Variants in UNC13B observed in about 807,000 individuals in gnomAD.
UNC13B encodes the protein protein unc-13 homolog B.
In UNC13B, 144 loss-of-function variants were observed where a neutral mutation model predicts 211.0. The observed-to-expected ratio is 0.68, with a 90% CI of 0.60 to 0.78. The LOEUF (loss-of-function observed/expected upper bound fraction) is 0.78, where lower values mean the gene tolerates loss of function less well. Among genes scored for constraint, UNC13B ranks in the 30% least tolerant of loss-of-function variants. The pLI is 0.00. For missense variants in UNC13B, 1,777 were observed against 2,002.0 expected (o/e 0.89, Z 2.14); for synonymous variants, 709 against 725.8 (o/e 0.98, Z 0.37).
intron 11 of UNC13B, among the ~76,000 whole-genome samples, chr9:35,337,114 T>G (rs1286847512): frequency 1.3e-5 from 2 of 151,928 alleles, no homozygotes; most frequent in Non-Finnish European, 2.9e-5. Context: ...TCACAGTCAC[T>G]GACGGATTTT....
chr9:35,381,064 C>T (rs1006544799), intron 18 of UNC13B, 36 bp from the exon 19 acceptor site: 4 of 1,587,078 alleles, frequency 2.5e-6, no homozygotes, highest in Non-Finnish European at 3.5e-6. Context: ...TGTCTAGTTG[C>T]ATTGGTGTCA....
chr9:35,197,953 T>G (rs1441246820), intron 1 of UNC13B, among the ~76,000 whole-genome samples: 1 of 152,164 alleles, frequency 6.6e-6, no homozygotes, highest in Non-Finnish European at 1.5e-5. Context: ...GAGAACAGAC[T>G]AATACAATAT....
intron 11 of UNC13B, among the ~76,000 whole-genome samples, chr9:35,330,416 C>T (rs750557909): frequency 2.6e-5 from 4 of 152,182 alleles, no homozygotes; most frequent in Non-Finnish European, 5.9e-5. Context: ...GCTGATGTGG[C>T]AATGAGCCAA....
chr9:35,377,203 G>A (rs1337477399), intron 15 of UNC13B, among the ~76,000 whole-genome samples: 1 of 152,220 alleles, frequency 6.6e-6, no homozygotes, highest in East Asian at 1.9e-4. Context: ...TAGGTTAGAC[G>A]TGAAGAGACA....
chr9:35,213,946 A>G (rs1227062860), intron 1 of UNC13B, among the ~76,000 whole-genome samples: 1 of 152,210 alleles, frequency 6.6e-6, no homozygotes, highest in African/African-American at 2.4e-5. Flanking sequence ...TACACTTTAC[A>G]TGAGTTCATA....
chr9:35,340,104 C>T (rs192188450), intron 11 of UNC13B, among the ~76,000 whole-genome samples: 7 of 152,346 alleles, frequency 4.6e-5, no homozygotes. Context: ...GGATGGGAAA[C>T]TCCACAGTAA....
In UNC13B at chr9:35,396,850, G is replaced by A. The variant is rs2132349435; in HGVS notation, c.11445G>A (p.Glu3815=). 2.5e-6 allele frequency: 4 copies of A among 1,614,208 alleles called. No homozygotes were observed. Among genetic ancestry groups the A allele is most frequent in the Non-Finnish European group, 3.4e-6 (4 of 1,180,034 alleles). ...GQVPEYPAWF[E]QFVLQWLDEN... The stretch of plus-strand genomic sequence containing the variant: ...CCTGCTGTGGCTGCAGGTGGTTTGA[G>A]CAGTTCGTGCTACAATGGCTGGATG... The change falls in exon 28 of 40, where the codon GAG becomes GAA. Residue 3815 remains glutamate (E), a synonymous_variant. Coordinates refer to ENST00000635942, the MANE Select transcript of UNC13B (RefSeq NM_001371189.2).
chr9:35,214,568 A>C (rs1430097496), intron 1 of UNC13B, among the ~76,000 whole-genome samples: 1 of 152,212 alleles, frequency 6.6e-6, no homozygotes, highest in Non-Finnish European at 1.5e-5. Context: ...GTATACTAGA[A>C]AGAAATTACC....
chr9:35,331,891 G>C (rs1234561038), intron 11 of UNC13B, among the ~76,000 whole-genome samples: 1 of 151,886 alleles, frequency 6.6e-6, no homozygotes, highest in Non-Finnish European at 1.5e-5. Context: ...CATCTCTTCA[G>C]CCTCTAATCA....
At chr9:35,268,202 G>A (rs949890708) in intron 7 of UNC13B, among the ~76,000 whole-genome samples, 2 of 152,150 alleles carry the variant, frequency 1.3e-5, no homozygotes, top group Non-Finnish European at 2.9e-5. Flanking sequence ...CCCCTCCCCA[G>A]GAGGTGGAGA....
At chr9:35,390,903 T>C (rs183282437) in intron 26 of UNC13B, among the ~76,000 whole-genome samples, 189 bp downstream of exon 26, 125 of 152,266 alleles carry the variant, frequency 8.2e-4, no homozygotes, top group African/African-American at 3.0e-3. Context: ...CCAAAGGACA[T>C]ATGAAAATGG....
chr9:35,179,350 T>G (rs1821808906), intron 1 of UNC13B, among the ~76,000 whole-genome samples: 1 of 152,240 alleles, frequency 6.6e-6, no homozygotes, highest in Non-Finnish European at 1.5e-5. Context: ...AATATTTTCA[T>G]AAAAAATAAA....
At position 35,318,685 on chromosome 9, in the gene UNC13B, A is replaced by G. The variant is rs147162066; in HGVS notation, c.9414+4696A>G. ...TCTGCAAGTATTTAGTCCTTTGTTG[A>G]TGTTCATTTGGTTGTTTCCAGTCAT... On this transcript the variant is annotated intron_variant, in intron 11 of 39. Transcript: ENST00000635942. Among the ~76,000 whole-genome samples the G allele has an allele frequency of 4.4e-3, 670 of 152,278 alleles. 3 individuals are homozygous for G. Among genetic ancestry groups the G allele is most frequent in the Non-Finnish European group, 7.1e-3 (484 of 68,018 alleles).
chr9:35,396,433 C>T, intron 26 of UNC13B, 43 bp from the exon 27 acceptor site: 1 of 1,612,108 alleles, frequency 6.2e-7, no homozygotes, highest in Non-Finnish European at 8.5e-7. Context: ...GAACCATGGC[C>T]TCTACTGCTG....
chr9:35,310,707 G>A lies in UNC13B; in HGVS notation c.9249G>A (p.Met3083Ile), dbSNP rs1323853452. ...AGGCAGCATGTGAACCCAAGGAGATGAAAGAAGATGCCACAACCCACCCTC... is the reference window on the plus strand; with the variant it reads ...AGGCAGCATGTGAACCCAAGGAGATAAAAGAAGATGCCACAACCCACCCTC... ...EKEAACEPKE[M>I]KEDATTHPPP... Residue 3083 changes from methionine (M) to isoleucine (I), a missense_variant, in exon 10 of 40, where the codon ATG (methionine) becomes ATA (isoleucine). By Grantham distance (10) the Met-to-Ile change is conservative. Coordinates refer to ENST00000635942, the MANE Select transcript of UNC13B (RefSeq NM_001371189.2). 1.2e-6 allele frequency: 2 copies of A among 1,613,892 alleles called. No homozygotes were observed. Among genetic ancestry groups the A allele is most frequent in the African/African-American group, 2.7e-5 (2 of 74,872 alleles).
chr9:35,319,186 C>G (rs1830608616), intron 11 of UNC13B, among the ~76,000 whole-genome samples: 1 of 151,716 alleles, frequency 6.6e-6, no homozygotes, highest in African/African-American at 2.4e-5. Context: ...TGCCTGTAAT[C>G]CCAGCAGGAG....
intron 11 of UNC13B, among the ~76,000 whole-genome samples, chr9:35,329,713 T>C (rs993209055): frequency 6.6e-6 from 1 of 152,138 alleles, no homozygotes; most frequent in African/African-American, 2.4e-5. Flanking sequence ...GGTCTCGAAC[T>C]CCCAAGCTCA....
chr9:35,204,725 A>G lies in UNC13B; in HGVS notation c.23-23290A>G, dbSNP rs569576153. Among the ~76,000 whole-genome samples the G allele has an allele frequency of 8.5e-5, 13 of 152,242 alleles. No homozygotes were observed. The South Asian group carries it at 2.5e-3, about 29-fold the overall frequency. On this transcript the variant is annotated intron_variant, in intron 1 of 39. Transcript: ENST00000635942. ...TTTACCCAATGCCTGTACCCCCATT[A>G]TATCTTCAAAGTAGCTAATGTGTTT...
intron 1 of UNC13B, among the ~76,000 whole-genome samples, chr9:35,211,639 A>G (rs918430438): frequency 1.3e-5 from 2 of 152,162 alleles, no homozygotes; most frequent in Admixed American, 6.5e-5. Context: ...GCTTTTTAAG[A>G]CTTTGATAGA....
Sources: allele counts gnomAD v4.1 joint callset (sites outside exome capture counted in the v4.1 genomes callset), GRCh38; gene constraint gnomAD v4.1.1; transcripts MANE v1.5; gene names NCBI Gene and HGNC (gene_info 2026-07-23, HGNC 2026-07-21).